ZNF81: variants seen among roughly 807,000 people sequenced by gnomAD.
The protein encoded by ZNF81 is zinc finger protein 81, also known as zinc finger protein 81 (HFZ20).
ZNF81 carries 5 observed loss-of-function variants against 32.3 expected under a neutral mutation model. The observed-to-expected ratio is 0.15, with a 90% CI of 0.08 to 0.33. The LOEUF (loss-of-function observed/expected upper bound fraction) is 0.33, where lower values mean the gene tolerates loss of function less well. ZNF81 is among the 10% of genes least tolerant of loss of function. The pLI, the probability that ZNF81 is intolerant of heterozygous loss-of-function variation, is 1.00. For missense variants in ZNF81, 379 were observed against 479.8 expected, an observed-to-expected ratio of 0.79 and a Z score of 1.96; for synonymous variants, 163 against 166.8, an observed-to-expected ratio of 0.98 and a Z score of 0.17.
intron 1 of ZNF81, chrX:47,841,322 G>A: frequency 1.6e-6 from 1 of 626,445 alleles, no homozygotes; most frequent in East Asian, 3.2e-5. Flanking sequence ...AGCATTTTTA[G>A]GTTCTGGGAG....
At chrX:47,894,325 T>G (rs1440408976) in intron 3 of ZNF81, among the ~76,000 whole-genome samples, 1 of 111,026 alleles carries the variant, frequency 9.0e-6, no homozygotes, top group Non-Finnish European at 1.9e-5. Context: ...TCAAGGGTGA[T>G]CAGATATTGA....
chrX:47,886,235 T>C (rs1264638002), intron 2 of ZNF81, among the ~76,000 whole-genome samples: 3 of 112,378 alleles, frequency 2.7e-5, no homozygotes, highest in African/African-American at 9.7e-5. Flanking sequence ...TCTGTCTCTT[T>C]CTCTGTTGAG....
At chrX:47,878,288 C>A (rs782659755) in intron 2 of ZNF81, among the ~76,000 whole-genome samples, 9 of 111,803 alleles carry the variant, frequency 8.0e-5, no homozygotes, top group Non-Finnish European at 1.5e-4. Context: ...CCCCTCCCAC[C>A]AATGATTCTC....
chrX:47,881,333 G>T (rs2058619978), intron 2 of ZNF81, among the ~76,000 whole-genome samples: 1 of 111,476 alleles, frequency 9.0e-6, no homozygotes. Flanking sequence ...CTTGCAGTTA[G>T]CTCCTCTCTT....
At chrX:47,874,781 G>A (rs781919780) in intron 2 of ZNF81, among the ~76,000 whole-genome samples, 1 of 112,253 alleles carries the variant, frequency 8.9e-6, no homozygotes, top group South Asian at 3.7e-4. Flanking sequence ...TACTGCAACT[G>A]CTGTCCATCT....
chrX:47,855,164 AAATT>A (rs201009001), intron 2 of ZNF81, among the ~76,000 whole-genome samples: 1,834 of 80,141 alleles, frequency 0.023, 18 homozygotes, highest in Non-Finnish European at 0.034. Context: ...AAAAATAAAT[AAATT>A]AATTAATTAA....
rs1556887108 is a variant in ZNF81 at position 47,895,827 on chromosome X, A to G, written c.182-18A>G. The G allele has an allele frequency of 1.7e-6, 2 of 1,173,523 alleles. No homozygotes were observed. Among genetic ancestry groups the G allele is most frequent in the Non-Finnish European group, 1.2e-6 (1 of 861,707 alleles). The stretch of plus-strand genomic sequence containing the variant: ...AGCAATTTGCTGGACCCAATTCTCT[A>G]TCGTGTCCTGTTAACAGGGTTCGAA... On this transcript the variant is annotated intron_variant, in intron 3 of 4. Coordinates refer to ENST00000338637, the MANE Select transcript of ZNF81 (RefSeq NM_007137.5).
At chrX:47,863,068 T>A (rs2058547549) in intron 2 of ZNF81, among the ~76,000 whole-genome samples, 1 of 110,223 alleles carries the variant, frequency 9.1e-6, no homozygotes, top group Non-Finnish European at 1.9e-5. Context: ...AACCCGGGAG[T>A]CATGAGAAAG....
chrX:47,904,869 A>G (rs1263246656), intron 4 of ZNF81, among the ~76,000 whole-genome samples: 2 of 110,628 alleles, frequency 1.8e-5, no homozygotes, highest in African/African-American at 6.5e-5. Flanking sequence ...TACACCATGG[A>G]ATACTATGCA....
intron 4 of ZNF81, among the ~76,000 whole-genome samples, chrX:47,906,707 C>G (rs2058722214): frequency 9.0e-6 from 1 of 111,515 alleles, no homozygotes; most frequent in Admixed American, 9.5e-5. Context: ...ATTCCAGCTA[C>G]TCAGAAGGCT....
intron 2 of ZNF81, among the ~76,000 whole-genome samples, chrX:47,873,638 C>T (rs1441218522): frequency 5.4e-5 from 6 of 111,614 alleles, no homozygotes; most frequent in African/African-American, 1.6e-4. Flanking sequence ...TGTAACTGAA[C>T]AGTTAACGCA....
At position 47,922,452 on chromosome X, in the gene ZNF81, T is replaced by C. The variant is rs1324314565; in HGVS notation, c.*5820T>C. On this transcript the variant is annotated 3_prime_UTR_variant, in exon 5 of 5. Transcript: ENST00000338637. The stretch of plus-strand genomic sequence containing the variant: ...TATTAAACTATTTGCATTGTTAAAA[T>C]TTATTCACTCCCATTTTCAACCCTT... 8.9e-6 allele frequency among the ~76,000 whole-genome samples: 1 copy of C among 112,243 alleles called. No homozygotes were observed. Among genetic ancestry groups the C allele is most frequent in the Non-Finnish European group, 1.9e-5 (1 of 53,266 alleles).
intron 2 of ZNF81, among the ~76,000 whole-genome samples, chrX:47,866,184 A>G (rs1046377630): frequency 8.9e-6 from 1 of 112,114 alleles, no homozygotes; most frequent in Admixed American, 9.5e-5. Context: ...CACAGTTGCA[A>G]GTGTGCTGGC....
intron 1 of ZNF81, among the ~76,000 whole-genome samples, chrX:47,837,860 A>G (rs1483326111): frequency 1.8e-5 from 2 of 111,941 alleles, no homozygotes; most frequent in Non-Finnish European, 3.8e-5. Context: ...TCTTGTCTCT[A>G]TCTACAAAGC....
chrX:47,855,772 G>C (rs1556881796), intron 2 of ZNF81, among the ~76,000 whole-genome samples: 1 of 110,651 alleles, frequency 9.0e-6, no homozygotes, highest in Non-Finnish European at 1.9e-5. Flanking sequence ...GTATGGGCTG[G>C]GTGTGGTGGC....
intron 4 of ZNF81, among the ~76,000 whole-genome samples, chrX:47,907,038 C>T (rs1556889254): frequency 9.4e-6 from 1 of 106,943 alleles, no homozygotes; most frequent in Non-Finnish European, 1.9e-5. Context: ...GAGCATTAAG[C>T]TCTGAGTCCA....
intron 2 of ZNF81, among the ~76,000 whole-genome samples, chrX:47,852,788 C>CCATG (rs1432488060): frequency 1.8e-5 from 2 of 112,870 alleles, no homozygotes; most frequent in African/African-American, 6.4e-5. Context: ...TAACCTCCTC[C>CCATG]CATGAATCAT....
intron 2 of ZNF81, among the ~76,000 whole-genome samples, chrX:47,878,897 CA>C (rs1331180484): frequency 1.8e-5 from 2 of 111,872 alleles, no homozygotes; most frequent in African/African-American, 6.5e-5. Flanking sequence ...ATTCCTTCCT[CA>C]AGGCTCTAAG....
chrX:47,886,673 C>T (rs1335583351), intron 2 of ZNF81, among the ~76,000 whole-genome samples: 1 of 105,572 alleles, frequency 9.5e-6, no homozygotes, highest in Non-Finnish European at 1.9e-5. Context: ...AATCATAGCT[C>T]ACTGAGCCTT....
Sources: allele counts gnomAD v4.1 joint callset (sites outside exome capture counted in the v4.1 genomes callset), GRCh38; gene constraint gnomAD v4.1.1; transcripts MANE v1.5; gene names NCBI Gene and HGNC (gene_info 2026-07-23, HGNC 2026-07-21).